The following SPPL3 variants were observed in gnomAD, a reference collection of about 807,000 sequenced individuals.
The protein encoded by SPPL3 is signal peptide peptidase like 3, also known as signal peptide peptidase-like 3.
A neutral mutation model predicts 42.4 loss-of-function variants in SPPL3; 5 were observed. The observed-to-expected ratio is 0.12, with a 90% CI of 0.06 to 0.25. SPPL3 has a LOEUF of 0.25. Among genes scored for constraint, SPPL3 ranks in the 10% least tolerant of loss-of-function variants. The pLI, the probability that SPPL3 is intolerant of heterozygous loss-of-function variation, is 1.00. For missense variants in SPPL3, 235 were observed against 489.0 expected, an observed-to-expected ratio of 0.48 and a Z score of 4.90; for synonymous variants, 195 against 181.8, an observed-to-expected ratio of 1.07 and a Z score of -0.58.
rs1406608990 is a variant in SPPL3, at chr12:120,776,712, A to G, written c.502+5943T>C. On this transcript the variant is annotated intron_variant, in intron 6 of 10. Transcript: ENST00000353487. The stretch of plus-strand genomic sequence containing the variant: ...AGAAACAGCTCATCTTTTTTGGGTC[A>G]GCGGCTTACTAAGCACTTTTAAACC... Among the ~76,000 whole-genome samples, 7 of 152,156 alleles carry G rather than the reference A, an allele frequency of 4.6e-5. No homozygotes were observed. In the East Asian group the frequency reaches 1.2e-3, roughly 25 times the overall value.
chr12:120,855,480 G>A (rs986470276), intron 1 of SPPL3, among the ~76,000 whole-genome samples: 7 of 152,042 alleles, frequency 4.6e-5, no homozygotes, highest in Non-Finnish European at 1.0e-4. Flanking sequence ...ATGAGGTCAC[G>A]AGTTCAAGAC....
chr12:120,845,907 T>C (rs960670495), intron 1 of SPPL3, among the ~76,000 whole-genome samples: 4 of 149,148 alleles, frequency 2.7e-5, no homozygotes, highest in Non-Finnish European at 4.5e-5. Flanking sequence ...TCTATCTATC[T>C]ATTTTTTTGA....
At chr12:120,880,502 A>C (rs1309225192) in intron 1 of SPPL3, among the ~76,000 whole-genome samples, 1 of 152,020 alleles carries the variant, frequency 6.6e-6, no homozygotes, top group Non-Finnish European at 1.5e-5. Flanking sequence ...AATTATTTGC[A>C]AATCGGCCGG....
chr12:120,840,443 C>T (rs946241794), intron 1 of SPPL3, among the ~76,000 whole-genome samples: 5 of 151,968 alleles, frequency 3.3e-5, no homozygotes, highest in Admixed American at 3.3e-4. Flanking sequence ...AGTAGATTAA[C>T]AGTTACTTAG....
At chr12:120,814,145 A>G (rs1308419313) in intron 1 of SPPL3, among the ~76,000 whole-genome samples, 1 of 152,234 alleles carries the variant, frequency 6.6e-6, no homozygotes, top group Non-Finnish European at 1.5e-5. Context: ...GGTATATTGT[A>G]TCCTTCTCTC....
At chr12:120,840,936 TTTCA>T (rs3050429) in intron 1 of SPPL3, among the ~76,000 whole-genome samples, 59,623 of 151,008 alleles carry the variant, frequency 0.39, 13,827 homozygotes, top group Middle Eastern at 0.56. Flanking sequence ...TGAGACTCCA[TTTCA>T]TTCATTCATT....
chr12:120,770,458 G>A lies in SPPL3; in HGVS notation c.503-1399C>T, dbSNP rs114752507. Among the ~76,000 whole-genome samples the A allele has an allele frequency of 3.1e-3, 471 of 152,144 alleles. 4 individuals carry two copies. The highest frequency in any genetic ancestry group is 9.9e-3 in the African/African-American group (412 of 41,506). On this transcript the variant is annotated intron_variant, in intron 6 of 10. Coordinates refer to ENST00000353487, the MANE Select transcript of SPPL3 (RefSeq NM_139015.5). Reference sequence around the variant, plus strand: ...ATTAGATGTTATCATTTGAGTGCTCGATCACTTCCAGCAGGGCTTTCATCC... The same window carrying A: ...ATTAGATGTTATCATTTGAGTGCTCAATCACTTCCAGCAGGGCTTTCATCC...
At chr12:120,898,263 C>T (rs1689374030) in intron 1 of SPPL3, among the ~76,000 whole-genome samples, 1 of 145,370 alleles carries the variant, frequency 6.9e-6, no homozygotes, top group Non-Finnish European at 1.5e-5. Flanking sequence ...GAGATCGTGC[C>T]ACCACACTCC....
chr12:120,842,653 C>T (rs967589253), intron 1 of SPPL3, among the ~76,000 whole-genome samples: 1 of 152,024 alleles, frequency 6.6e-6, no homozygotes, highest in Non-Finnish European at 1.5e-5. Flanking sequence ...GGTGCATCCT[C>T]ACATGGTAGA....
intron 1 of SPPL3, among the ~76,000 whole-genome samples, chr12:120,845,858 TTATCTATCTATCTATCTATCTATC>T (rs60954976): frequency 4.7e-5 from 7 of 147,416 alleles, no homozygotes; most frequent in South Asian, 4.4e-4. Flanking sequence ...TTAGAATCCA[TTATCTATCTATCTATCTATCTATC>T]TATCTATCTA....
At chr12:120,842,278 G>T (rs1490982126) in intron 1 of SPPL3, among the ~76,000 whole-genome samples, 3 of 152,054 alleles carry the variant, frequency 2.0e-5, no homozygotes, top group African/African-American at 7.2e-5. Flanking sequence ...AAGTAATAAT[G>T]GCAACGAGCA....
At chr12:120,794,115 T>G (rs1314995861) in intron 2 of SPPL3, among the ~76,000 whole-genome samples, 1 of 152,246 alleles carries the variant, frequency 6.6e-6, no homozygotes, top group Non-Finnish European at 1.5e-5. Flanking sequence ...TATGCTCTCT[T>G]GCTTAATTGA....
intron 2 of SPPL3, among the ~76,000 whole-genome samples, chr12:120,799,000 G>A (rs1011546421): frequency 2.0e-5 from 3 of 152,180 alleles, no homozygotes; most frequent in Non-Finnish European, 2.9e-5. Flanking sequence ...TTTGTTATTA[G>A]TTGAGAACTA....
chr12:120,813,759 G>A (rs957182591), intron 1 of SPPL3, among the ~76,000 whole-genome samples: 4 of 152,138 alleles, frequency 2.6e-5, no homozygotes, highest in Non-Finnish European at 4.4e-5. Context: ...CCAACTCAGA[G>A]TAACTCAACC....
intron 6 of SPPL3, among the ~76,000 whole-genome samples, chr12:120,775,747 G>A (rs945931677): frequency 6.6e-6 from 1 of 152,172 alleles, no homozygotes; most frequent in African/African-American, 2.4e-5. Context: ...ATGAAACTGA[G>A]AGTAGATAAA....
chr12:120,870,078 G>A (rs1036224221), intron 1 of SPPL3, among the ~76,000 whole-genome samples: 3 of 151,860 alleles, frequency 2.0e-5, no homozygotes. Context: ...TAAAAGAAAC[G>A]TTCAGTTTTA....
intron 1 of SPPL3, among the ~76,000 whole-genome samples, chr12:120,856,954 G>A (rs949918610): frequency 8.5e-5 from 13 of 152,148 alleles, no homozygotes; most frequent in Admixed American, 7.9e-4. Flanking sequence ...CCTGTACAAG[G>A]GGATGGAGTG....
chr12:120,768,542 C>T (rs1474968115), intron 7 of SPPL3, 54 bp from the exon 8 acceptor site: 26 of 1,553,950 alleles, frequency 1.7e-5, no homozygotes, highest in Non-Finnish European at 2.3e-5. Context: ...AACCTGCTTT[C>T]AGCATCAGCC....
intron 1 of SPPL3, among the ~76,000 whole-genome samples, chr12:120,832,214 T>C (rs1258227320): frequency 1.3e-5 from 2 of 152,174 alleles, no homozygotes; most frequent in Non-Finnish European, 2.9e-5. Context: ...ACAGGACACC[T>C]TGGAGATAAG....
Sources: gnomAD v4.1 joint callset for allele counts (sites outside exome capture counted in the v4.1 genomes callset) on GRCh38, gnomAD v4.1.1 for gene constraint, MANE v1.5 for transcripts, NCBI Gene and HGNC (gene_info 2026-07-23, HGNC 2026-07-21) for gene names.